Variants in SHOX observed in about 807,000 individuals in gnomAD.
SHOX encodes short stature homeobox protein.
SHOX carries 12 observed loss-of-function variants against 29.6 expected under a neutral mutation model. The observed-to-expected ratio is 0.41, with a 90% CI of 0.26 to 0.66. SHOX has a LOEUF of 0.66. Ranked by LOEUF, SHOX falls within the 30% of genes least tolerant of loss-of-function variation. The probability of loss-of-function intolerance (pLI) is 0.35; values close to 1 mark genes in which losing one functional copy is unlikely to be tolerated. For missense variants in SHOX, 499 were observed against 437.7 expected, an observed-to-expected ratio of 1.14 and a Z score of -1.25; for synonymous variants, 214 against 200.6, an observed-to-expected ratio of 1.07 and a Z score of -0.57.
chrX:643,272 T>C (rs2052895280), intron 4 of SHOX, among the ~76,000 whole-genome samples: 1 of 140,454 alleles, frequency 7.1e-6, no homozygotes, highest in African/African-American at 2.8e-5. Context: ...GGGAGAGGCT[T>C]GGGGACCTGG....
chrX:627,254 C>T (rs745557699), upstream of SHOX, among the ~76,000 whole-genome samples: 21 of 152,278 alleles, frequency 1.4e-4, no homozygotes, highest in South Asian at 2.9e-3. Context: ...TGCGGCCTCT[C>T]GGACAGCGTC....
rs762442413 is a variant in SHOX at position 642,681 on chromosome X, C to T, written c.633+1594C>T. On this transcript the variant is annotated intron_variant, in intron 4 of 4. Transcript: ENST00000686671. ...CGTTGGAGCCCGCAGGCCTGCCTGG[C>T]TTTGCGCACCGGAGTCTTGGGGACC... 9.8e-5 allele frequency among the ~76,000 whole-genome samples: 15 copies of T among 152,346 alleles called. No homozygotes were observed. In the East Asian group the frequency reaches 2.9e-3, roughly 29 times the overall value.
upstream of SHOX, among the ~76,000 whole-genome samples, chrX:627,959 G>C (rs1401968581): frequency 3.9e-5 from 6 of 152,070 alleles, no homozygotes; most frequent in Non-Finnish European, 7.4e-5. Flanking sequence ...GGCAGAGATG[G>C]GGAGGCCTTT....
Position 644,632 on chromosome X carries a change from T to C in SHOX, c.875T>C (p.Leu292Pro), listed in dbSNP as rs1410446442. 6.8e-7 allele frequency: 1 copy of C among 1,479,838 alleles called. No homozygotes were observed. Among genetic ancestry groups the C allele is most frequent in the Non-Finnish European group, 8.9e-7 (1 of 1,122,996 alleles). The allele number at this position is 1,479,838 out of a possible 1,614,324, so 91.7% of individuals were successfully genotyped here. A position where few individuals can be genotyped will look rare whatever the true frequency, so the allele number is the denominator to read the frequency against. The change falls in exon 5 of 5, where the codon CTC (leucine) becomes CCC (proline). Residue 292 changes from leucine to proline, a missense_variant. Transcript: ENST00000686671. Reference protein sequence around the residue: ...KARKHAEALGL With the variant: ...KARKHAEALGP ...CGGAAGCACGCGGAGGCCCTGGGGC[T>C]CTGACCCGCCGCGCAGCCCCCCGCG...
intron 1 of SHOX, among the ~76,000 whole-genome samples, chrX:625,259 C>T (rs73607249): frequency 0.17 from 24,938 of 144,630 alleles, 2,225 homozygotes; most frequent in South Asian, 0.29. Context: ...CCTTTTCCTC[C>T]TCTTCCCTCT....
In SHOX at chrX:624,670, C is replaced by CCTTCCTTCGTTCT. The variant is rs1569491556; in HGVS notation, c.-433+68_-433+69insCTTCCTTCGTTCT. On this transcript the variant is annotated intron_variant, in intron 1 of 5. Coordinates refer to the SHOX transcript ENST00000334060. ...TTTGCCTTCTTTCCTTTCTTCGTTCCTTCCTTCCTTCCTTCCTCTCTTCCT... is the reference window on the plus strand; with the variant it reads ...TTTGCCTTCTTTCCTTTCTTCGTTCCCTTCCTTCGTTCTTTCCTTCCTTCCTTCCTCTCTTCCT... 212 of 138,508 alleles carry CCTTCCTTCGTTCT rather than the reference C, an allele frequency of 1.5e-3. 4 individuals carry two copies. Among genetic ancestry groups the CCTTCCTTCGTTCT allele is most frequent in the African/African-American group, 5.7e-3 (199 of 34,810 alleles). The allele number at this position is 138,508 out of a possible 1,614,324, so 8.6% of individuals were successfully genotyped here. A position where few individuals can be genotyped will look rare whatever the true frequency, so the allele number is the denominator to read the frequency against.
At chrX:634,877 C>G in intron 2 of SHOX, 51 bp downstream of exon 2, 1 of 1,528,816 alleles carries the variant, frequency 6.5e-7, no homozygotes, top group South Asian at 1.2e-5. Flanking sequence ...GCCTGGTCCT[C>G]GGGAGCGCAC....
Position 631,098 on chromosome X carries a change from G to C in SHOX, c.201G>C (p.Pro67=), listed in dbSNP as rs753509357. ...TCACGGAGGGCGGCGGCCACTGCCC[G>C]GTGCATTTGTTCAAGGACCACGTAG... ...QDITEGGGHC[P]VHLFKDHVDN... is the part of the protein sequence containing the mutation. The change falls in exon 1 of 5, where the codon CCG becomes CCC. Residue 67 remains proline, a synonymous_variant. Coordinates refer to ENST00000686671, the MANE Select transcript of SHOX (RefSeq NM_000451.4). The C allele has an allele frequency of 9.9e-6, 16 of 1,613,748 alleles. No individual in the cohort carries two copies. The highest frequency in any genetic ancestry group is 2.2e-5 in the South Asian group (2 of 91,076).
At chrX:629,363 C>T (rs772294340), upstream of SHOX, among the ~76,000 whole-genome samples, 36 of 148,066 alleles carry the variant, frequency 2.4e-4, no homozygotes, top group South Asian at 1.1e-3. Context: ...GTCTCCATGT[C>T]TCTGTCTCTC....
intron 1 of SHOX, among the ~76,000 whole-genome samples, chrX:632,334 C>T (rs2052665711): frequency 6.6e-6 from 1 of 152,206 alleles, no homozygotes. Context: ...GAGGGGCTGG[C>T]CCCGGGGATC....
At chrX:657,993 G>A (rs1205619226) in intron 5 of SHOX, among the ~76,000 whole-genome samples, 1 of 151,562 alleles carries the variant, frequency 6.6e-6, no homozygotes, top group Non-Finnish European at 1.5e-5. Context: ...CTCTTTTTTT[G>A]AGACAGAGTC....
At position 650,816 on chromosome X, in the gene SHOX, A is replaced by C. The variant is rs1243108931; in HGVS notation, c.*6180A>C. ...TTAAAAAAAAAAAAAAAAAAAAAAA[A>C]AAACTGGTGCCTAATTTATTAAAGA... On this transcript the variant is annotated 3_prime_UTR_variant, in exon 5 of 5. Coordinates refer to ENST00000686671, the MANE Select transcript of SHOX (RefSeq NM_000451.4). 3.3e-5 allele frequency among the ~76,000 whole-genome samples: 5 copies of C among 150,994 alleles called. No homozygotes were observed. Among genetic ancestry groups the C allele is most frequent in the Admixed American group, 6.6e-5 (1 of 15,106 alleles).
At chrX:624,758 T>G (rs947666291) in intron 1 of SHOX, among the ~76,000 whole-genome samples, 20 of 91,984 alleles carry the variant, frequency 2.2e-4, no homozygotes, top group Admixed American at 1.8e-3. Context: ...TCCTTTCACT[T>G]GGCAAGATTG....
intron 2 of SHOX, among the ~76,000 whole-genome samples, chrX:638,570 T>C (rs948641847): frequency 1.3e-5 from 2 of 152,090 alleles, no homozygotes; most frequent in Non-Finnish European, 2.9e-5. Flanking sequence ...GGAAACAGGA[T>C]CAGGTTCTCC....
chrX:651,849 A>G (rs186171827), downstream of SHOX, among the ~76,000 whole-genome samples: 263 of 151,208 alleles, frequency 1.7e-3, 1 homozygote, highest in African/African-American at 6.1e-3. Context: ...GAAGGTGGCA[A>G]AAAAAACAGA....
At chrX:625,391 G>T (rs369277065) in intron 1 of SHOX, among the ~76,000 whole-genome samples, 3 of 151,986 alleles carry the variant, frequency 2.0e-5, no homozygotes, top group South Asian at 2.1e-4. Context: ...ACAGGGAGGC[G>T]GTCACATACG....
At position 640,994 on chromosome X, in the gene SHOX, C is replaced by A; in HGVS notation, c.545-5C>A. The A allele has an allele frequency of 1.2e-6, 2 of 1,613,778 alleles. No individual in the cohort carries two copies. The highest frequency in any genetic ancestry group is 1.7e-6 in the Non-Finnish European group (2 of 1,179,804). On this transcript the variant is annotated splice_region_variant and splice_polypyrimidine_tract_variant and intron_variant, in intron 3 of 4. Coordinates refer to ENST00000686671, the MANE Select transcript of SHOX (RefSeq NM_000451.4). ...CACACTGACACCTGCTCCCTTTGGACACAGGCGTCATCTTGGGCACAGCCA... is the reference window on the plus strand; with the variant it reads ...CACACTGACACCTGCTCCCTTTGGAAACAGGCGTCATCTTGGGCACAGCCA...
chrX:630,375 C>G (rs1483459442), upstream of SHOX: 1 of 160,070 alleles, frequency 6.2e-6, no homozygotes, highest in African/African-American at 2.4e-5. Flanking sequence ...GCGCCGGGCT[C>G]TGCGCTCCTC....
chrX:627,289 G>A (rs1192323247), upstream of SHOX, among the ~76,000 whole-genome samples: 2 of 152,152 alleles, frequency 1.3e-5, no homozygotes. Context: ...AAAAACGTGT[G>A]GGGTAGAAAA....
Sources: allele counts gnomAD v4.1 joint callset (sites outside exome capture counted in the v4.1 genomes callset), GRCh38; gene constraint gnomAD v4.1.1; transcripts MANE v1.5; gene names NCBI Gene and HGNC (gene_info 2026-07-23, HGNC 2026-07-21).